The following OSBPL1A variants were observed in gnomAD, a reference collection of about 807,000 sequenced individuals.
The protein encoded by OSBPL1A is oxysterol binding protein like 1A, also known as oxysterol-binding protein-related protein 1.
Under a neutral mutation model 137.1 loss-of-function variants are expected in OSBPL1A, and 80 were observed. The observed-to-expected ratio is 0.58, with a 90% CI of 0.49 to 0.70. OSBPL1A has a LOEUF of 0.70. OSBPL1A is among the 30% of genes least tolerant of loss of function. The pLI, the probability that OSBPL1A is intolerant of heterozygous loss-of-function variation, is 0.00. For missense variants in OSBPL1A, 970 were observed against 1,129.4 expected, an observed-to-expected ratio of 0.86 and a Z score of 2.02; for synonymous variants, 365 against 389.7, an observed-to-expected ratio of 0.94 and a Z score of 0.75.
In OSBPL1A at chr18:24,271,805, C is replaced by T. The variant is rs1198983873; in HGVS notation, c.1281+9037G>A. The T allele has an allele frequency of 2.0e-6, 2 of 985,276 alleles. No individual in the cohort carries two copies. The highest frequency in any genetic ancestry group is 1.1e-4 in the East Asian group (1 of 8,814). The allele number at this position is 985,276 out of a possible 1,614,324, so 61.0% of individuals were successfully genotyped here. On this transcript the variant is annotated intron_variant, in intron 15 of 27. Coordinates refer to ENST00000319481, the MANE Select transcript of OSBPL1A (RefSeq NM_080597.4). This position sits in a 1 kb window ranked among gnomAD's most constrained non-coding sequence, Gnocchi z 4.0. ...TAAGTCACCTTTGCGCAGCCTGCCC[C>T]TGGCTCCGGCCGGGCAGCAGCGCCA... is the stretch of plus-strand genomic sequence containing the variant.
chr18:24,172,560 C>T (rs961046312), intron 21 of OSBPL1A, 77 bp from the exon 22 acceptor site: 3 of 1,024,682 alleles, frequency 2.9e-6, no homozygotes, highest in South Asian at 2.8e-5. Context: ...TTCCAAATGC[C>T]ATTACTCAGA....
intron 15 of OSBPL1A, chr18:24,272,236 CTTTTTTTTTTTCTTTTTTCT>C (rs1389418600): frequency 1.9e-5 from 15 of 796,362 alleles, no homozygotes; most frequent in Middle Eastern, 1.2e-3. Flanking sequence ...GCCCTGGCAA[CTTTTTTTTTTTCTTTTTTCT>C]TTTTTTTTTT....
chr18:24,219,971 C>T (rs1449485728), intron 17 of OSBPL1A, among the ~76,000 whole-genome samples: 1 of 152,224 alleles, frequency 6.6e-6, no homozygotes, highest in Non-Finnish European at 1.5e-5. Context: ...GCTGGATAAC[C>T]ACTCTAGTCT....
At chr18:24,217,965 G>A (rs543423544) in intron 17 of OSBPL1A, among the ~76,000 whole-genome samples, 2 of 151,040 alleles carry the variant, frequency 1.3e-5, no homozygotes, top group South Asian at 4.4e-4. Context: ...TATCCAGATG[G>A]TAGAATACTC....
At chr18:24,336,989 T>C (rs1388352936) in intron 5 of OSBPL1A, among the ~76,000 whole-genome samples, 1 of 152,188 alleles carries the variant, frequency 6.6e-6, no homozygotes, top group African/African-American at 2.4e-5. Context: ...AAGATGCCTT[T>C]ACAGTGGACC....
chr18:24,351,743 T>C (rs2091445451), intron 4 of OSBPL1A, among the ~76,000 whole-genome samples: 1 of 152,154 alleles, frequency 6.6e-6, no homozygotes, highest in Non-Finnish European at 1.5e-5. Context: ...TTTCACCATG[T>C]CGGCCAGGCT....
At chr18:24,274,557 C>T (rs773204720) in intron 15 of OSBPL1A, among the ~76,000 whole-genome samples, 12 of 152,012 alleles carry the variant, frequency 7.9e-5, no homozygotes, top group South Asian at 6.2e-4. Context: ...GAAGGTCACT[C>T]GCAGAAACCT....
At position 24,271,943 on chromosome 18, in the gene OSBPL1A, G is replaced by A; in HGVS notation, c.1281+8899C>T. 1.0e-6 allele frequency: 1 copy of A among 982,878 alleles called. No homozygotes were observed. Among genetic ancestry groups the A allele is most frequent in the South Asian group, 4.7e-5 (1 of 21,298 alleles). 60.9% of individuals were successfully genotyped at this position (982,878 alleles called of 1,614,324 possible). A position where few individuals can be genotyped will look rare whatever the true frequency, so the allele number is the denominator to read the frequency against. On this transcript the variant is annotated intron_variant, in intron 15 of 27. Coordinates refer to ENST00000319481, the MANE Select transcript of OSBPL1A (RefSeq NM_080597.4). This position sits in a 1 kb window ranked among gnomAD's most constrained non-coding sequence, Gnocchi z 4.0. ...GCTGCCCCTCCGCCGCCGCTGGCTC[G>A]GCCGCAGACCCGCCCTCCGGGGCTC... is the stretch of plus-strand genomic sequence containing the variant.
chr18:24,203,786 A>C (rs2087290094), intron 17 of OSBPL1A, among the ~76,000 whole-genome samples: 1 of 152,178 alleles, frequency 6.6e-6, no homozygotes. Flanking sequence ...TTCATATTCC[A>C]AATTAGGGTA....
At chr18:24,385,677 G>C (rs527847153) in intron 1 of OSBPL1A, among the ~76,000 whole-genome samples, 6 of 152,234 alleles carry the variant, frequency 3.9e-5, no homozygotes, top group Admixed American at 1.3e-4. Context: ...CAGCTGCTTT[G>C]GCAAATAGAA....
chr18:24,194,217 C>T (rs920608214), intron 18 of OSBPL1A, among the ~76,000 whole-genome samples: 1 of 152,176 alleles, frequency 6.6e-6, no homozygotes, highest in African/African-American at 2.4e-5. Context: ...GACCAAATAA[C>T]CTTACAAAGA....
At chr18:24,168,724 G>A (rs893290649) in intron 24 of OSBPL1A, among the ~76,000 whole-genome samples, 8 of 152,154 alleles carry the variant, frequency 5.3e-5, no homozygotes, top group African/African-American at 9.7e-5. Context: ...TTCCCGCAGC[G>A]TCTGTGTTCA....
intron 15 of OSBPL1A, among the ~76,000 whole-genome samples, chr18:24,262,734 T>C (rs534805663): frequency 4.1e-4 from 49 of 120,288 alleles, no homozygotes; most frequent in Admixed American, 1.5e-3. Context: ...ATGTGCCCCT[T>C]TCACGGTCAC....
chr18:24,190,727 T>A (rs2086869464), intron 18 of OSBPL1A, among the ~76,000 whole-genome samples: 1 of 152,244 alleles, frequency 6.6e-6, no homozygotes, highest in African/African-American at 2.4e-5. Context: ...TTGGCAAAGC[T>A]CCAAACCTTA....
At chr18:24,337,314 T>C (rs1002662004) in intron 5 of OSBPL1A, among the ~76,000 whole-genome samples, 4 of 151,630 alleles carry the variant, frequency 2.6e-5, no homozygotes, top group East Asian at 3.9e-4. Context: ...GGGCAATATA[T>C]TGAGGCCTTT....
At chr18:24,376,747 G>A (rs941499374) in intron 2 of OSBPL1A, among the ~76,000 whole-genome samples, 1 of 152,260 alleles carries the variant, frequency 6.6e-6, no homozygotes, top group Non-Finnish European at 1.5e-5. Flanking sequence ...CTAAGGCCCG[G>A]TGAGAGATCC....
At chr18:24,339,527 G>A (rs1338324610) in intron 5 of OSBPL1A, among the ~76,000 whole-genome samples, 1 of 152,186 alleles carries the variant, frequency 6.6e-6, no homozygotes, top group Non-Finnish European at 1.5e-5. Flanking sequence ...TGCAGTTTGA[G>A]TTTGGAAATG....
intron 17 of OSBPL1A, among the ~76,000 whole-genome samples, chr18:24,198,633 G>A (rs961035894): frequency 6.6e-5 from 10 of 152,006 alleles, no homozygotes; most frequent in African/African-American, 2.4e-4. Context: ...ATGGGAAGCA[G>A]CAAGAGAAAC....
At chr18:24,380,171 A>T (rs1906479092) in intron 1 of OSBPL1A, among the ~76,000 whole-genome samples, 1 of 152,242 alleles carries the variant, frequency 6.6e-6, no homozygotes, top group South Asian at 2.1e-4. Context: ...TAGGAGTAGA[A>T]TAAGGACATT....
Sources: allele counts gnomAD v4.1 joint callset (sites outside exome capture counted in the v4.1 genomes callset), GRCh38; gene constraint gnomAD v4.1.1; non-coding constraint Gnocchi (gnomAD v3.1); transcripts MANE v1.5; gene names NCBI Gene and HGNC (gene_info 2026-07-23, HGNC 2026-07-21).